NBAS: variants seen among roughly 807,000 people sequenced by gnomAD.
NBAS encodes the protein NBAS subunit of NRZ tethering complex.
In NBAS, 219 loss-of-function variants were observed where a neutral mutation model predicts 302.5. That is an observed-to-expected ratio of 0.72 (90% CI 0.65 to 0.81). NBAS has a LOEUF of 0.81. Among genes scored for constraint, NBAS ranks in the 30% least tolerant of loss-of-function variants. The probability of loss-of-function intolerance (pLI) is 0.00; values close to 1 mark genes in which losing one functional copy is unlikely to be tolerated. For synonymous variants in NBAS, 1,118 were observed against 1,021.6 expected, an observed-to-expected ratio of 1.09 and a Z score of -1.80; for missense variants, 2,932 against 2,841.6, an observed-to-expected ratio of 1.03 and a Z score of -0.72.
the NBAS span, among the ~76,000 whole-genome samples, chr2:14,931,622 G>T: frequency 6.6e-6 from 1 of 152,322 alleles, no homozygotes; most frequent in South Asian, 2.1e-4. Flanking sequence ...TGAACACAAA[G>T]GACACTGCAT....
At chr2:15,530,862 A>G (rs1474492175) in intron 9 of NBAS, among the ~76,000 whole-genome samples, 1 of 152,098 alleles carries the variant, frequency 6.6e-6, no homozygotes, top group African/African-American at 2.4e-5. Context: ...AAGTCATAAC[A>G]TGGTCAAATT....
At chr2:14,866,638 T>G in the NBAS span, among the ~76,000 whole-genome samples, 1 of 152,132 alleles carries the variant, frequency 6.6e-6, no homozygotes, top group Non-Finnish European at 1.5e-5. Flanking sequence ...CAAATATTCT[T>G]CTCACTCACT....
the NBAS span, among the ~76,000 whole-genome samples, chr2:14,873,122 C>G: frequency 6.6e-6 from 1 of 152,202 alleles, no homozygotes. Flanking sequence ...CTGATTGGTC[C>G]ATTTTACAGA....
chr2:15,561,280 C>G lies in NBAS; in HGVS notation c.25G>C (p.Ala9Pro). The G allele has an allele frequency of 1.9e-6, 3 of 1,613,658 alleles. No individual in the cohort carries two copies. Among genetic ancestry groups the G allele is most frequent in the Non-Finnish European group, 1.7e-6 (2 of 1,180,026 alleles). The change falls in exon 1 of 52, where the codon GCT becomes CCT. Residue 9 changes from alanine (A) to proline (P), a missense_variant. Physicochemically the swap from Ala to Pro is conservative, Grantham distance 27 (BLOSUM62 -1). Transcript: ENST00000281513. ...CCCTCTGCAGTGCCTGGACTCAAAG[C>G]CGGCCCTGACTCGGGGGCCGCCATG... The part of the protein sequence containing the change: MAAPESGP[A>P]LSPGTAEGEE...
intron 32 of NBAS, among the ~76,000 whole-genome samples, chr2:15,360,429 G>GT (rs1311344933): frequency 6.6e-6 from 1 of 151,216 alleles, no homozygotes; most frequent in Non-Finnish European, 1.5e-5. Context: ...CTGTAACCTC[G>GT]TGAACTCCTT....
At chr2:15,280,684 C>T (rs1289722694) in intron 42 of NBAS, among the ~76,000 whole-genome samples, 1 of 152,174 alleles carries the variant, frequency 6.6e-6, no homozygotes, top group Non-Finnish European at 1.5e-5. Context: ...ATGTTGGGTA[C>T]AGTTCAGCTG....
chr2:14,993,839 G>A, the NBAS span, among the ~76,000 whole-genome samples: 3 of 152,026 alleles, frequency 2.0e-5, no homozygotes, highest in Non-Finnish European at 4.4e-5. Flanking sequence ...TCATTATATA[G>A]AATTTGGTTT....
At chr2:15,013,657 A>G in the NBAS span, among the ~76,000 whole-genome samples, 1 of 152,032 alleles carries the variant, frequency 6.6e-6, no homozygotes, top group African/African-American at 2.4e-5. Flanking sequence ...GGTGGCACAC[A>G]TCTGTAATCT....
At chr2:15,022,152 G>A in the NBAS span, among the ~76,000 whole-genome samples, 1 of 152,160 alleles carries the variant, frequency 6.6e-6, no homozygotes, top group Admixed American at 6.5e-5. Context: ...TGGTCCTCAA[G>A]AGGCAGATAA....
intron 48 of NBAS, among the ~76,000 whole-genome samples, chr2:15,194,485 A>C (rs1178820749): frequency 6.6e-6 from 1 of 152,166 alleles, no homozygotes; most frequent in Non-Finnish European, 1.5e-5. Context: ...GAAAATGAAA[A>C]CATTCTCAGA....
chr2:15,328,972 A>T (rs927411383), intron 36 of NBAS, among the ~76,000 whole-genome samples: 1 of 152,146 alleles, frequency 6.6e-6, no homozygotes, highest in African/African-American at 2.4e-5. Flanking sequence ...ATGCAAGATG[A>T]TATATGACTG....
At chr2:15,227,007 C>A (rs1417460272) in intron 47 of NBAS, among the ~76,000 whole-genome samples, 2 of 152,118 alleles carry the variant, frequency 1.3e-5, no homozygotes, top group African/African-American at 4.8e-5. Flanking sequence ...GGAGGAAAAA[C>A]TCAATTTTTT....
At chr2:15,083,867 G>A in the NBAS span, among the ~76,000 whole-genome samples, 38 of 152,246 alleles carry the variant, frequency 2.5e-4, no homozygotes, top group African/African-American at 7.7e-4. Flanking sequence ...TCACTTACCC[G>A]ATCTGCAACC....
At chr2:15,373,740 G>A (rs1021029550) in intron 31 of NBAS, among the ~76,000 whole-genome samples, 1 of 152,104 alleles carries the variant, frequency 6.6e-6, no homozygotes, top group African/African-American at 2.4e-5. Context: ...AATCCATCCA[G>A]CTCTAAACAC....
At chr2:15,086,719 T>C in the NBAS span, among the ~76,000 whole-genome samples, 1 of 152,344 alleles carries the variant, frequency 6.6e-6, no homozygotes, top group East Asian at 1.9e-4. Flanking sequence ...GCGCCCATGC[T>C]GGCACCTGCA....
intron 32 of NBAS, among the ~76,000 whole-genome samples, chr2:15,365,327 T>A (rs935537525): frequency 1.3e-5 from 2 of 152,234 alleles, no homozygotes; most frequent in Non-Finnish European, 2.9e-5. Flanking sequence ...TGAGCTGCTT[T>A]GTTAGCTTCT....
chr2:14,895,943 A>G, the NBAS span, among the ~76,000 whole-genome samples: 6 of 151,982 alleles, frequency 3.9e-5, no homozygotes, highest in Non-Finnish European at 7.4e-5. Context: ...CCCAAACCTC[A>G]CCATGACACA....
At chr2:15,406,103 T>TG in intron 25 of NBAS, among the ~76,000 whole-genome samples, 1 of 115,072 alleles carries the variant, frequency 8.7e-6, no homozygotes, top group South Asian at 2.8e-4. Context: ...CAATAACATG[T>TG]AAAAAAAAAA....
the NBAS span, among the ~76,000 whole-genome samples, chr2:14,917,850 G>T: frequency 2.6e-5 from 4 of 152,192 alleles, no homozygotes; most frequent in Non-Finnish European, 5.9e-5. Flanking sequence ...AGTAGGAAGG[G>T]TTTGGAGCTG....
Sources: gnomAD v4.1 joint callset for allele counts (sites outside exome capture counted in the v4.1 genomes callset) on GRCh38, gnomAD v4.1.1 for gene constraint, MANE v1.5 for transcripts, NCBI Gene and HGNC (gene_info 2026-07-23, HGNC 2026-07-21) for gene names.